POMP: variants seen among roughly 807,000 people sequenced by gnomAD.
POMP encodes 2510048O06Rik.
In POMP, 12 loss-of-function variants were observed where a neutral mutation model predicts 20.6. The observed-to-expected ratio is 0.58, with a 90% CI of 0.37 to 0.94. The LOEUF is 0.94. Among genes scored for constraint, POMP ranks in the 40% least tolerant of loss-of-function variants. The pLI is 0.01. For missense variants in POMP, 136 were observed against 161.1 expected (o/e 0.84, Z 0.84); for synonymous variants, 53 against 55.0 (o/e 0.96, Z 0.16).
intron 1 of POMP, among the ~76,000 whole-genome samples, chr13:28,659,607 C>G (rs1884298734): frequency 6.6e-6 from 1 of 152,170 alleles, no homozygotes; most frequent in Admixed American, 6.5e-5. Context: ...TCCCCCAGCC[C>G]CCGCCCTTGT....
At chr13:28,677,638 T>G (rs1306452976) in intron 5 of POMP, among the ~76,000 whole-genome samples, 1 of 152,210 alleles carries the variant, frequency 6.6e-6, no homozygotes, top group Non-Finnish European at 1.5e-5. Flanking sequence ...TTTTGTGAAT[T>G]AAGAGATTGT....
chr13:28,659,797 T>A (rs1884302516), intron 1 of POMP: 1 of 152,860 alleles, frequency 6.5e-6, no homozygotes, highest in East Asian at 1.9e-4. Flanking sequence ...TCCCCACCAC[T>A]TTCTCTTTCT....
intron 2 of POMP, among the ~76,000 whole-genome samples, chr13:28,663,939 C>T (rs1884393660): frequency 6.6e-6 from 1 of 152,118 alleles, no homozygotes; most frequent in Non-Finnish European, 1.5e-5. Flanking sequence ...TTTTTATTAG[C>T]TTTAAAATCC....
At chr13:28,672,764 T>G (rs2137798286) in intron 5 of POMP, among the ~76,000 whole-genome samples, 1 of 152,238 alleles carries the variant, frequency 6.6e-6, no homozygotes, top group East Asian at 1.9e-4. Context: ...AAGTGAAAAT[T>G]ATTTATGAAA....
At chr13:28,662,272 GCTGTAA>G (rs1884356190) in intron 1 of POMP, 132 bp from the exon 2 acceptor site, 1 of 624,778 alleles carries the variant, frequency 1.6e-6, no homozygotes, top group African/African-American at 1.9e-5. Flanking sequence ...TTTAAGGCTT[GCTGTAA>G]TTGTCTAGTC....
chr13:28,659,182 A>C lies in POMP; in HGVS notation c.-3A>C. ...AGAGAGGCTGTTCGCAGAGCTGCGG[A>C]AGATGGTGAGTGGGTACCCGGGCGG... On this transcript the variant is annotated 5_prime_UTR_variant, in exon 1 of 6. Coordinates refer to ENST00000380842, the MANE Select transcript of POMP (RefSeq NM_015932.6). 1.3e-6 allele frequency: 2 copies of C among 1,589,206 alleles called. No homozygotes were observed. Among genetic ancestry groups the C allele is most frequent in the Non-Finnish European group, 8.6e-7 (1 of 1,168,892 alleles).
In POMP at chr13:28,664,536, G is replaced by A; in HGVS notation, c.129G>A (p.Leu43=). The A allele has an allele frequency of 1.3e-6, 2 of 1,574,858 alleles. No homozygotes were observed. Among genetic ancestry groups the A allele is most frequent in the South Asian group, 1.1e-5 (1 of 89,142 alleles). Residue 43 remains leucine (L), a synonymous_variant, in exon 3 of 6, where the codon TTG becomes TTA. Transcript: ENST00000380842. ...KGFSCVKNEL[L]PSHPLELSEK... ...TTTCTTGTGTGAAAAATGAACTTTT[G>A]CCTAGTCATCCCCTTGAATTATCAG... is the stretch of plus-strand genomic sequence containing the variant.
intron 4 of POMP, among the ~76,000 whole-genome samples, chr13:28,670,019 AG>A (rs1379444287): frequency 2.0e-5 from 3 of 152,160 alleles, no homozygotes; most frequent in Non-Finnish European, 2.9e-5. Flanking sequence ...CTGAGGTGGG[AG>A]GATCATTTGA....
At chr13:28,663,525 G>A (rs1453438459) in intron 2 of POMP, among the ~76,000 whole-genome samples, 1 of 152,108 alleles carries the variant, frequency 6.6e-6, no homozygotes, top group Admixed American at 6.6e-5. Flanking sequence ...GGTCAGGCTG[G>A]CCTTGAACTC....
At chr13:28,670,224 A>G (rs1240621018) in intron 4 of POMP, among the ~76,000 whole-genome samples, 5 of 152,192 alleles carry the variant, frequency 3.3e-5, no homozygotes, top group Admixed American at 6.5e-5. Flanking sequence ...CCAGTTTTAC[A>G]TGGACAAGTA....
chr13:28,667,146 A>G (rs953739574), intron 3 of POMP, among the ~76,000 whole-genome samples: 23 of 152,202 alleles, frequency 1.5e-4, no homozygotes, highest in Admixed American at 1.3e-4. Flanking sequence ...GCTAACTTAC[A>G]TGTTGATTGA....
intron 1 of POMP, 101 bp from the exon 2 acceptor site, chr13:28,662,309 T>C (rs1015213209): frequency 1.2e-6 from 1 of 831,076 alleles, no homozygotes; most frequent in African/African-American, 1.7e-5. Context: ...GAGGGCCTCT[T>C]ATTTTTCTGT....
At chr13:28,670,906 G>A (rs6490321) in intron 4 of POMP, among the ~76,000 whole-genome samples, 34,870 of 151,792 alleles carry the variant, frequency 0.23, 4,436 homozygotes, top group African/African-American at 0.32. Flanking sequence ...AATTAGCCAG[G>A]CCTGGTGGCA....
At chr13:28,664,610 A>G (rs752032966) in intron 3 of POMP, 41 bp downstream of exon 3, 6 of 1,171,062 alleles carry the variant, frequency 5.1e-6, no homozygotes, top group Non-Finnish European at 6.2e-6. Flanking sequence ...CTTCTAATAG[A>G]TAAATACTTT....
chr13:28,668,689 C>T (rs1884488082), intron 4 of POMP, 115 bp downstream of exon 4: 1 of 827,374 alleles, frequency 1.2e-6, no homozygotes, highest in Admixed American at 2.0e-5. Context: ...CTTCCCTCCC[C>T]CTTTTTAGGG....
chr13:28,661,215 C>T (rs1255598385), intron 1 of POMP, among the ~76,000 whole-genome samples: 2 of 152,166 alleles, frequency 1.3e-5, no homozygotes, highest in African/African-American at 2.4e-5. Flanking sequence ...GTAATTCCAG[C>T]ACTTTGGGGG....
intron 2 of POMP, among the ~76,000 whole-genome samples, chr13:28,662,887 G>A (rs1197255648): frequency 2.0e-5 from 3 of 152,206 alleles, no homozygotes; most frequent in East Asian, 1.9e-4. Flanking sequence ...GGATTCAGTC[G>A]GCCTGGGTTT....
rs765101735 is a variant in POMP at position 28,662,448 on chromosome 13, T to G, written c.42T>G (p.Ile14Met). 6 of 1,614,018 alleles carry G rather than the reference T, an allele frequency of 3.7e-6. No individual in the cohort carries two copies. In the Middle Eastern group the frequency reaches 5.0e-4, roughly 133 times the overall value. Residue 14 changes from isoleucine to methionine, a missense_variant, in exon 2 of 6, where the codon ATT (isoleucine) becomes ATG (methionine). Coordinates refer to ENST00000380842, the MANE Select transcript of POMP (RefSeq NM_015932.6). ...RGLGSELKDS[I>M]PVTELSASGP... is the part of the protein sequence containing the mutation. ...TTGGATCTGAGCTAAAGGACAGTATTCCAGTTACTGAACTTTCAGCAAGTG... is the reference window on the plus strand; with the variant it reads ...TTGGATCTGAGCTAAAGGACAGTATGCCAGTTACTGAACTTTCAGCAAGTG...
At position 28,678,110 on chromosome 13, in the gene POMP, C is replaced by G. The variant is rs9656; in HGVS notation, c.*8C>G. ...AAACTTGGTTTACTGTAATAGTGTG[C>G]TGTTCATGGAAACCGAGGGCTGCAT... On this transcript the variant is annotated 3_prime_UTR_variant, in exon 6 of 6. Coordinates refer to ENST00000380842, the MANE Select transcript of POMP (RefSeq NM_015932.6). The G allele has an allele frequency of 6.9e-3, 11,068 of 1,611,992 alleles. 600 individuals are homozygous for G. The African/African-American group carries it at 0.12, about 17-fold the overall frequency.
Sources: allele counts gnomAD v4.1 joint callset (sites outside exome capture counted in the v4.1 genomes callset), GRCh38; gene constraint gnomAD v4.1.1; transcripts MANE v1.5; gene names NCBI Gene and HGNC (gene_info 2026-07-23, HGNC 2026-07-21).